Variants in SHANK2 observed in about 807,000 individuals in gnomAD.
SHANK2 encodes the protein SH3 and multiple ankyrin repeat domains protein 2.
SHANK2 carries 43 observed loss-of-function variants against 133.7 expected under a neutral mutation model. The observed-to-expected ratio is 0.32, with a 90% CI of 0.25 to 0.41. The LOEUF is 0.41. Among genes scored for constraint, SHANK2 ranks in the 10% least tolerant of loss-of-function variants. The probability of loss-of-function intolerance (pLI) is 1.00; values close to 1 mark genes in which losing one functional copy is unlikely to be tolerated. For synonymous variants in SHANK2, 1,017 were observed against 952.8 expected, an observed-to-expected ratio of 1.07 and a Z score of -1.24; for missense variants, 1,994 against 2,235.8, an observed-to-expected ratio of 0.89 and a Z score of 2.18.
At chr11:70,534,288 G>A (rs1207777149) in intron 17 of SHANK2, among the ~76,000 whole-genome samples, 5 of 152,164 alleles carry the variant, frequency 3.3e-5, no homozygotes, top group Admixed American at 3.3e-4. Context: ...CTGAGTAAAA[G>A]GGGGAAAAGC....
chr11:70,843,346 G>GCTGCTA (rs1948944398), intron 11 of SHANK2, among the ~76,000 whole-genome samples: 1 of 151,784 alleles, frequency 6.6e-6, no homozygotes, highest in African/African-American at 2.4e-5. Context: ...GGTGGGCTTG[G>GCTGCTA]TGGGCCCCAG....
chr11:70,862,106 C>T (rs546533942), intron 11 of SHANK2, among the ~76,000 whole-genome samples: 11 of 152,266 alleles, frequency 7.2e-5, no homozygotes, highest in East Asian at 1.9e-4. Flanking sequence ...CCTCTCCCCA[C>T]GATGCGGCTG....
At chr11:70,709,454 G>T (rs1555025679) in intron 14 of SHANK2, among the ~76,000 whole-genome samples, 1 of 152,208 alleles carries the variant, frequency 6.6e-6, no homozygotes, top group African/African-American at 2.4e-5. Flanking sequence ...AACCCTGAAG[G>T]TTGAGGTCAG....
chr11:71,226,247 A>T (rs1954641712), intron 1 of SHANK2, among the ~76,000 whole-genome samples: 1 of 152,356 alleles, frequency 6.6e-6, no homozygotes, highest in Middle Eastern at 3.4e-3. Flanking sequence ...AAGACAGAAC[A>T]ACAGACATTA....
chr11:71,181,369 T>C (rs1256644948), intron 2 of SHANK2, among the ~76,000 whole-genome samples: 2 of 152,048 alleles, frequency 1.3e-5, no homozygotes. Flanking sequence ...CACGGTGACA[T>C]GTGCCTGCAG....
At chr11:70,533,878 T>C (rs1055170292) in intron 17 of SHANK2, among the ~76,000 whole-genome samples, 5 of 152,182 alleles carry the variant, frequency 3.3e-5, no homozygotes, top group Non-Finnish European at 7.3e-5. Context: ...TCCTTTTGTG[T>C]CTGCTTCTTT....
rs1202591879 is a variant in SHANK2 at position 71,091,617 on chromosome 11, T to C, written c.912+805A>G. Among the ~76,000 whole-genome samples the C allele has an allele frequency of 5.3e-5, 8 of 152,130 alleles. No homozygotes were observed. In the East Asian group the frequency reaches 1.4e-3, roughly 26 times the overall value. ...CCCAGACCCACCTCACCCCTCTGCCTGGAGACCCTGGCCTGCAGCCTGCAC... is the reference window on the plus strand; with the variant it reads ...CCCAGACCCACCTCACCCCTCTGCCCGGAGACCCTGGCCTGCAGCCTGCAC... On this transcript the variant is annotated intron_variant, in intron 8 of 25. Coordinates refer to ENST00000601538, the MANE Select transcript of SHANK2 (RefSeq NM_012309.5).
intron 11 of SHANK2, among the ~76,000 whole-genome samples, chr11:70,861,818 T>G (rs1319474875): frequency 6.6e-6 from 1 of 152,072 alleles, no homozygotes; most frequent in East Asian, 1.9e-4. Flanking sequence ...AGCTCAGAGC[T>G]AGACAATAAA....
chr11:70,879,079 G>T (rs955819063), intron 11 of SHANK2, among the ~76,000 whole-genome samples: 1 of 152,182 alleles, frequency 6.6e-6, no homozygotes, highest in Non-Finnish European at 1.5e-5. Context: ...TGTGCCCGGT[G>T]GTCCTAAGGA....
intron 6 of SHANK2, among the ~76,000 whole-genome samples, chr11:71,107,962 CT>C (rs1951826248): frequency 6.6e-6 from 1 of 152,208 alleles, no homozygotes; most frequent in African/African-American, 2.4e-5. Flanking sequence ...GAGAGCCACG[CT>C]GCCCAGTCCC....
chr11:70,782,292 G>A (rs1472532183), intron 14 of SHANK2, among the ~76,000 whole-genome samples: 2 of 152,234 alleles, frequency 1.3e-5, no homozygotes, highest in Non-Finnish European at 2.9e-5. Flanking sequence ...CCTGACCCCA[G>A]GTGATCAGCT....
chr11:70,643,416 T>C (rs2061213863), intron 17 of SHANK2, among the ~76,000 whole-genome samples: 3 of 151,894 alleles, frequency 2.0e-5, no homozygotes, highest in Admixed American at 6.6e-5. Context: ...ACAAAAAAAT[T>C]AGCCGGGCGT....
At chr11:70,787,732 C>A (rs1196591787) in intron 14 of SHANK2, among the ~76,000 whole-genome samples, 8 of 152,160 alleles carry the variant, frequency 5.3e-5, no homozygotes, top group African/African-American at 1.9e-4. Context: ...CACCCCTGGT[C>A]CCTGACTCCA....
intron 14 of SHANK2, among the ~76,000 whole-genome samples, chr11:70,737,753 A>G (rs1946434952): frequency 2.0e-5 from 3 of 152,156 alleles, no homozygotes; most frequent in South Asian, 2.1e-4. Flanking sequence ...AGACCCTTAC[A>G]TCGCAAACAT....
At chr11:70,785,602 C>G (rs1947633345) in intron 14 of SHANK2, among the ~76,000 whole-genome samples, 1 of 152,204 alleles carries the variant, frequency 6.6e-6, no homozygotes, top group African/African-American at 2.4e-5. Context: ...CCAGCACCCC[C>G]CAGGGGCTGG....
intron 15 of SHANK2, among the ~76,000 whole-genome samples, chr11:70,671,607 T>C (rs1555016072): frequency 6.6e-6 from 1 of 152,206 alleles, no homozygotes; most frequent in African/African-American, 2.4e-5. Context: ...GGTAAAAGAC[T>C]CTCCTACTGA....
intron 2 of SHANK2, among the ~76,000 whole-genome samples, chr11:71,211,418 A>C (rs1954278606): frequency 6.6e-6 from 1 of 151,802 alleles, no homozygotes; most frequent in African/African-American, 2.4e-5. Context: ...TGTGCCTGTA[A>C]TCCCAGCTAC....
chr11:71,080,229 C>A (rs1364139544), intron 8 of SHANK2, among the ~76,000 whole-genome samples: 1 of 152,162 alleles, frequency 6.6e-6, no homozygotes, highest in Admixed American at 6.5e-5. Context: ...GTGTGGGAGG[C>A]TCCACCCATG....
At chr11:70,725,246 A>G (rs782222397) in intron 14 of SHANK2, among the ~76,000 whole-genome samples, 10 of 152,222 alleles carry the variant, frequency 6.6e-5, no homozygotes, top group Non-Finnish European at 1.2e-4. Flanking sequence ...TCCCTACAAT[A>G]TTCATAAATG....
Sources: gnomAD v4.1 joint callset for allele counts (sites outside exome capture counted in the v4.1 genomes callset) on GRCh38, gnomAD v4.1.1 for gene constraint, MANE v1.5 for transcripts, NCBI Gene and HGNC (gene_info 2026-07-23, HGNC 2026-07-21) for gene names.